KLC1: variants seen among roughly 807,000 people sequenced by gnomAD.
KLC1 encodes kinesin 2 60/70kDa.
KLC1 carries 30 observed loss-of-function variants against 84.2 expected under a neutral mutation model. The ratio of observed to expected loss-of-function variants is 0.36; its 90% confidence interval spans 0.27 to 0.48. The LOEUF (loss-of-function observed/expected upper bound fraction) is 0.48, where lower values mean the gene tolerates loss of function less well. Ranked by LOEUF, KLC1 falls within the 20% of genes least tolerant of loss-of-function variation. The pLI is 0.99. For synonymous variants in KLC1, 289 were observed against 293.3 expected (o/e 0.99, Z 0.15); for missense variants, 499 against 805.4 (o/e 0.62, Z 4.60).
intron 7 of KLC1, among the ~76,000 whole-genome samples, chr14:103,670,616 G>A (rs988513365): frequency 1.2e-4 from 18 of 151,796 alleles, no homozygotes; most frequent in African/African-American, 4.4e-4. Flanking sequence ...ATTACAGGCT[G>A]AGCCACTGTG....
At chr14:103,691,879 C>T (rs185730747) in intron 14 of KLC1, among the ~76,000 whole-genome samples, 1 of 151,898 alleles carries the variant, frequency 6.6e-6, no homozygotes, top group Non-Finnish European at 1.5e-5. Flanking sequence ...TCAAGTGATC[C>T]TCCACTTCTG....
At chr14:103,639,420 C>T (rs967064332) in intron 1 of KLC1, among the ~76,000 whole-genome samples, 2 of 152,064 alleles carry the variant, frequency 1.3e-5, no homozygotes, top group African/African-American at 4.8e-5. Flanking sequence ...TGTGAGCCAC[C>T]ACGCCTGGCT....
chr14:103,671,169 AATT>A (rs772380262), intron 7 of KLC1, among the ~76,000 whole-genome samples: 2 of 152,124 alleles, frequency 1.3e-5, no homozygotes, highest in Non-Finnish European at 2.9e-5. Flanking sequence ...AAAATGAAAT[AATT>A]ATTATTATAA....
chr14:103,685,208 C>A, intron 13 of KLC1: 1 of 1,419,136 alleles, frequency 7.0e-7, no homozygotes, highest in Non-Finnish European at 9.2e-7. Context: ...TCCGTGGTTT[C>A]CTAAAGTTTC....
chr14:103,692,634 G>A (rs1271125663), intron 15 of KLC1, among the ~76,000 whole-genome samples: 16 of 152,170 alleles, frequency 1.1e-4, no homozygotes, highest in Admixed American at 1.0e-3. Context: ...TGTTCACACT[G>A]TGAACATTCT....
At position 103,693,873 on chromosome 14, in the gene KLC1, G is replaced by T; in HGVS notation, c.1848+1448G>T. 1 of 1,354,114 alleles carries T rather than the reference G, an allele frequency of 7.4e-7. No homozygotes were observed. The highest frequency in any genetic ancestry group is 9.5e-7 in the Non-Finnish European group (1 of 1,055,064). The allele number at this position is 1,354,114 out of a possible 1,614,324, so 83.9% of individuals were successfully genotyped here. A position where few individuals can be genotyped will look rare whatever the true frequency, so the allele number is the denominator to read the frequency against. ...GGCCAGGCTGGCTCAGGGAGGCCGA[G>T]GTGGCGCTGAGGTGGCTTCAGCACG... On this transcript the variant is annotated intron_variant, in intron 15 of 16. Coordinates refer to ENST00000334553, the MANE Select transcript of KLC1 (RefSeq NM_001394837.1). The surrounding 1 kb of genome is among the most constrained non-coding windows in gnomAD (Gnocchi z 5.1).
intron 1 of KLC1, among the ~76,000 whole-genome samples, chr14:103,638,656 A>ATTTT (rs57470429): frequency 5.0e-5 from 5 of 100,112 alleles, no homozygotes; most frequent in African/African-American, 1.5e-4. Context: ...CATTTCATTA[A>ATTTT]TTTTTTTTTT....
intron 1 of KLC1, among the ~76,000 whole-genome samples, chr14:103,653,257 C>T (rs529230756): frequency 1.0e-3 from 158 of 152,340 alleles, no homozygotes; most frequent in Middle Eastern, 0.01. Flanking sequence ...GATCCTTGTG[C>T]CTCACTGAGC....
intron 13 of KLC1, chr14:103,683,649 C>T (rs906557389): frequency 1.3e-5 from 2 of 152,218 alleles, no homozygotes; most frequent in African/African-American, 4.8e-5. Flanking sequence ...CCACATCACA[C>T]ATCCTCTATC....
chr14:103,643,264 C>T (rs896132596), intron 1 of KLC1, among the ~76,000 whole-genome samples: 6 of 152,062 alleles, frequency 3.9e-5, no homozygotes, highest in African/African-American at 1.4e-4. Context: ...TATAACTTTC[C>T]CCATCTCCTT....
At chr14:103,637,467 T>C (rs1172852877) in intron 1 of KLC1, among the ~76,000 whole-genome samples, 2 of 151,724 alleles carry the variant, frequency 1.3e-5, no homozygotes, top group Admixed American at 1.3e-4. Context: ...GAGGCAGAGG[T>C]TGCAGTGAGT....
At position 103,694,630 on chromosome 14, in the gene KLC1, C is replaced by T; in HGVS notation, c.1848+2205C>T. The T allele has an allele frequency of 2.0e-6, 2 of 985,444 alleles. No individual in the cohort carries two copies. Among genetic ancestry groups the T allele is most frequent in the Non-Finnish European group, 2.4e-6 (2 of 829,934 alleles). The allele number at this position is 985,444 out of a possible 1,614,324, so 61.0% of individuals were successfully genotyped here. ...AGTGATTCCAAAGGCTGACGCTCAGCAGCGCCACCTCCATGCCAGCCAACT... is the reference window on the plus strand; with the variant it reads ...AGTGATTCCAAAGGCTGACGCTCAGTAGCGCCACCTCCATGCCAGCCAACT... On this transcript the variant is annotated intron_variant, in intron 15 of 16. Coordinates refer to ENST00000334553, the MANE Select transcript of KLC1 (RefSeq NM_001394837.1). The surrounding 1 kb of genome is among the most constrained non-coding windows in gnomAD (Gnocchi z 4.5).
intron 1 of KLC1, among the ~76,000 whole-genome samples, chr14:103,639,237 A>G (rs780938131): frequency 7.9e-5 from 12 of 152,188 alleles, no homozygotes; most frequent in South Asian, 2.1e-4. Context: ...ATCTTGGCTC[A>G]TTGCAGCCTC....
intron 5 of KLC1, among the ~76,000 whole-genome samples, chr14:103,664,559 G>A (rs145297874): frequency 2.6e-4 from 40 of 152,078 alleles, no homozygotes; most frequent in Non-Finnish European, 5.0e-4. Context: ...TTTTGAGATA[G>A]GGTCTTGCTC....
chr14:103,632,318 C>T (rs577917232), intron 1 of KLC1, among the ~76,000 whole-genome samples: 1 of 152,058 alleles, frequency 6.6e-6, no homozygotes, highest in South Asian at 2.1e-4. Context: ...TCCAGCTACT[C>T]ATGAGGCTGA....
intron 2 of KLC1, among the ~76,000 whole-genome samples, chr14:103,655,194 TCCAG>T (rs1024680987): frequency 3.7e-4 from 56 of 151,292 alleles, no homozygotes; most frequent in African/African-American, 1.3e-3. Context: ...ATCACTGCAC[TCCAG>T]CCTGGGTGAC....
At position 103,680,274 on chromosome 14, in the gene KLC1, ATT is replaced by A. The variant is rs11294847; in HGVS notation, c.1650+745_1650+746del. On this transcript the variant is annotated intron_variant, in intron 13 of 16. Transcript: ENST00000334553. The stretch of plus-strand genomic sequence containing the variant: ...CTCCAGTGAATTTTTTAGCACATGG[ATT>A]TTTTTTTTTTTTTTTGATACATAAG... 6.2e-3 allele frequency among the ~76,000 whole-genome samples: 862 copies of A among 140,072 alleles called. 5 individuals are homozygous for A. Among genetic ancestry groups the A allele is most frequent in the Middle Eastern group, 0.029 (8 of 276 alleles). 91.9% of individuals were successfully genotyped at this position (140,072 alleles called of 152,430 possible). A position where few individuals can be genotyped will look rare whatever the true frequency, so the allele number is the denominator to read the frequency against.
chr14:103,690,949 C>T (rs1220643376), intron 14 of KLC1, among the ~76,000 whole-genome samples: 3 of 152,082 alleles, frequency 2.0e-5, no homozygotes, highest in African/African-American at 7.2e-5. Flanking sequence ...GTTTATTTTA[C>T]TAACAATAAA....
chr14:103,698,657 G>C (rs2082783465), intron 15 of KLC1: 1 of 770,908 alleles, frequency 1.3e-6, no homozygotes, highest in African/African-American at 1.7e-5. Flanking sequence ...CTTCGGATGA[G>C]AAAGTGGAGC....
Sources: allele counts gnomAD v4.1 joint callset (sites outside exome capture counted in the v4.1 genomes callset), GRCh38; gene constraint gnomAD v4.1.1; non-coding constraint Gnocchi (gnomAD v3.1); transcripts MANE v1.5; gene names NCBI Gene and HGNC (gene_info 2026-07-23, HGNC 2026-07-21).